CGGBP1: variants seen among roughly 807,000 people sequenced by gnomAD.
CGGBP1 encodes the protein CGG triplet repeat-binding protein 1.
A neutral mutation model predicts 11.4 loss-of-function variants in CGGBP1; 4 were observed. That is an observed-to-expected ratio of 0.35 (90% CI 0.17 to 0.80). CGGBP1 has a LOEUF of 0.80. CGGBP1 is among the 30% of genes least tolerant of loss of function. The pLI, the probability that CGGBP1 is intolerant of heterozygous loss-of-function variation, is 0.52. For missense variants in CGGBP1, 135 were observed against 202.1 expected (o/e 0.67, Z 2.01); for synonymous variants, 76 against 74.1 (o/e 1.03, Z -0.13).
chr3:88,128,950 T>A (rs1289338317), intron 2 of CGGBP1: 4 of 1,535,520 alleles, frequency 2.6e-6, no homozygotes, highest in Non-Finnish European at 3.5e-6. Context: ...GACTTATACT[T>A]CCATCAAGCA....
chr3:88,083,832 T>A (rs1708202336), intron 2 of CGGBP1, among the ~76,000 whole-genome samples: 1 of 152,066 alleles, frequency 6.6e-6, no homozygotes. Context: ...GATGTGGTGC[T>A]TACTGCCTTG....
At chr3:88,115,569 C>A (rs1466966108) in intron 2 of CGGBP1, among the ~76,000 whole-genome samples, 2 of 152,104 alleles carry the variant, frequency 1.3e-5, no homozygotes, top group African/African-American at 4.8e-5. Context: ...AATACCAAAA[C>A]CAAGCTATTA....
At chr3:88,060,385 T>C (rs138541338), upstream of CGGBP1, among the ~76,000 whole-genome samples, 5 of 152,282 alleles carry the variant, frequency 3.3e-5, no homozygotes, top group Non-Finnish European at 5.9e-5. Flanking sequence ...TTTTTAGGGG[T>C]AAAGTTTGTG....
intron 1 of CGGBP1, among the ~76,000 whole-genome samples, chr3:88,145,382 A>G (rs1707293024): frequency 6.6e-6 from 1 of 152,138 alleles, no homozygotes; most frequent in Non-Finnish European, 1.5e-5. Flanking sequence ...TTGAAACACT[A>G]TGAGAGTGTT....
intron 2 of CGGBP1, chr3:88,140,351 T>C: frequency 6.2e-7 from 1 of 1,613,288 alleles, no homozygotes; most frequent in Non-Finnish European, 8.5e-7. Flanking sequence ...ACTCAAATCC[T>C]AATCAGGAAA....
chr3:88,062,226 A>G (rs1706925921), upstream of CGGBP1, among the ~76,000 whole-genome samples: 1 of 152,182 alleles, frequency 6.6e-6, no homozygotes, highest in Non-Finnish European at 1.5e-5. Flanking sequence ...AAGGCCTACT[A>G]ACTCTTAAGC....
At chr3:88,077,528 G>A (rs1707877979) in intron 2 of CGGBP1, among the ~76,000 whole-genome samples, 1 of 151,698 alleles carries the variant, frequency 6.6e-6, no homozygotes, top group South Asian at 2.1e-4. Context: ...GTAGAGACGG[G>A]GTTTCCCTGT....
chr3:88,127,071 T>A (rs1424411435), intron 2 of CGGBP1, among the ~76,000 whole-genome samples: 1 of 152,110 alleles, frequency 6.6e-6, no homozygotes, highest in African/African-American at 2.4e-5. Context: ...AACTGTAGAA[T>A]GTAAGCTCAG....
intron 2 of CGGBP1, among the ~76,000 whole-genome samples, chr3:88,112,407 T>C (rs1409925946): frequency 6.6e-6 from 1 of 151,942 alleles, no homozygotes. Flanking sequence ...AATAATTTTA[T>C]AATTTTCCAT....
At position 88,146,462 on chromosome 3, in the gene CGGBP1, C is replaced by T. The variant is rs114067713; in HGVS notation, c.-338+3249G>A. 2.0e-3 allele frequency among the ~76,000 whole-genome samples: 305 copies of T among 152,170 alleles called. 1 individual carries two copies. Among genetic ancestry groups the T allele is most frequent in the African/African-American group, 6.9e-3 (287 of 41,518 alleles). ...GGAGGGTTTTTTGTTGTTTTTTGCT[C>T]AAGTTGTATTCAGTAAATGAAACTA... On this transcript the variant is annotated intron_variant, in intron 1 of 3. Transcript: ENST00000462901.
In CGGBP1 at chr3:88,059,003, T is replaced by A; in HGVS notation, c.-519A>T. On this transcript the variant is annotated 5_prime_UTR_variant, in exon 1 of 4. Transcript: ENST00000482016. ...CCGCGCCCCGTCCGCCTGCACCGCC[T>A]ATGGCAGAGCCCGTAGGCGGTCCCC... 1 of 357,106 alleles carries A rather than the reference T, an allele frequency of 2.8e-6. No homozygotes were observed. Among genetic ancestry groups the A allele is most frequent in the South Asian group, 3.3e-5 (1 of 30,706 alleles). The allele number at this position is 357,106 out of a possible 1,614,324, so 22.1% of individuals were successfully genotyped here.
At chr3:88,086,409 A>G in intron 2 of CGGBP1, 1 of 1,495,464 alleles carries the variant, frequency 6.7e-7, no homozygotes, top group East Asian at 2.5e-5. Flanking sequence ...CTGTGTAAGT[A>G]CTTTTTACTT....
At chr3:88,141,640 T>C in intron 1 of CGGBP1, 1 of 1,507,494 alleles carries the variant, frequency 6.6e-7, no homozygotes, top group Non-Finnish European at 9.0e-7. Context: ...TGTTCTGTTT[T>C]ACAGGTGCCT....
chr3:88,082,183 G>A (rs1708112627), intron 2 of CGGBP1, among the ~76,000 whole-genome samples: 1 of 151,126 alleles, frequency 6.6e-6, no homozygotes, highest in South Asian at 2.1e-4. Context: ...CTGGAGTGCA[G>A]TGGTGCAATC....
intron 2 of CGGBP1, among the ~76,000 whole-genome samples, chr3:88,085,762 T>C (rs1308035345): frequency 2.0e-5 from 3 of 152,208 alleles, no homozygotes; most frequent in Non-Finnish European, 4.4e-5. Flanking sequence ...CTGGACTCTT[T>C]TCCCCATAGT....
chr3:88,142,704 A>G (rs978933430), intron 1 of CGGBP1: 17 of 152,380 alleles, frequency 1.1e-4, no homozygotes, highest in African/African-American at 4.1e-4. Context: ...TAATTCCAAA[A>G]TAAGCCATAC....
chr3:88,059,821 C>T (rs189816435), upstream of CGGBP1, among the ~76,000 whole-genome samples: 1 of 152,112 alleles, frequency 6.6e-6, no homozygotes, highest in African/African-American at 2.4e-5. Context: ...CCTTCCTGCC[C>T]GAGAGTCCCG....
chr3:88,083,390 T>C (rs1484010269), intron 2 of CGGBP1, among the ~76,000 whole-genome samples: 2 of 152,248 alleles, frequency 1.3e-5, no homozygotes, highest in African/African-American at 4.8e-5. Context: ...TGACATTTTA[T>C]AGTATATACT....
At position 88,122,385 on chromosome 3, in the gene CGGBP1, C is replaced by T. The variant is rs143694549; in HGVS notation, c.-229+18585G>A. On this transcript the variant is annotated intron_variant, in intron 2 of 3. Coordinates refer to the CGGBP1 transcript ENST00000462901. ...CTTTCATCCTATGATAAACTGCTGA[C>T]GGATCCAGACCAATTATGTAGAATG... 1.1e-3 allele frequency among the ~76,000 whole-genome samples: 162 copies of T among 152,254 alleles called. 1 individual carries two copies. The highest frequency in any genetic ancestry group is 3.8e-3 in the African/African-American group (157 of 41,560).
Sources: allele counts gnomAD v4.1 joint callset (sites outside exome capture counted in the v4.1 genomes callset), GRCh38; gene constraint gnomAD v4.1.1; transcripts MANE v1.5; gene names NCBI Gene and HGNC (gene_info 2026-07-23, HGNC 2026-07-21).